Variants in COL4A5 observed in about 807,000 individuals in gnomAD.
COL4A5 encodes the protein collagen type IV alpha 5 chain.
Under a neutral mutation model 130.2 loss-of-function variants are expected in COL4A5, and 26 were observed. That is an observed-to-expected ratio of 0.20 (90% CI 0.15 to 0.28). The LOEUF (loss-of-function observed/expected upper bound fraction) is 0.28, where lower values mean the gene tolerates loss of function less well. Ranked by LOEUF, COL4A5 falls within the 10% of genes least tolerant of loss-of-function variation. The pLI, the probability that COL4A5 is intolerant of heterozygous loss-of-function variation, is 1.00. For missense variants in COL4A5, 1,131 were observed against 1,344.3 expected, an observed-to-expected ratio of 0.84 and a Z score of 2.48; for synonymous variants, 496 against 439.6, an observed-to-expected ratio of 1.13 and a Z score of -1.60.
Position 108,663,843 on chromosome X carries a change from G to T in COL4A5, c.3374-1664G>T, listed in dbSNP as rs746550388. Among the ~76,000 whole-genome samples the T allele has an allele frequency of 1.9e-4, 21 of 111,570 alleles. No individual in the cohort carries two copies. In the East Asian group the frequency reaches 5.3e-3, roughly 28 times the overall value. ...TTTATTTGGTAACAGTTGACAAATG[G>T]ATTCTAAAATGTGTATGGAAATGAA... On this transcript the variant is annotated intron_variant, in intron 37 of 52. Coordinates refer to ENST00000328300, the MANE Select transcript of COL4A5 (RefSeq NM_033380.3).
At position 108,541,821 on chromosome X, in the gene COL4A5, A is replaced by G. The variant is rs535225643; in HGVS notation, c.141+2016A>G. ...AAGTTCAAGTTCAGCTGAGTTAACT[A>G]TACTATTTCTTAAAATAGAAGTTTA... On this transcript the variant is annotated intron_variant, in intron 2 of 52. Transcript: ENST00000328300. Among the ~76,000 whole-genome samples the G allele has an allele frequency of 5.7e-4, 64 of 112,459 alleles. No individual in the cohort carries two copies. The South Asian group carries it at 0.023, about 40-fold the overall frequency.
chrX:108,546,710 A>C (rs1325715335), intron 2 of COL4A5, among the ~76,000 whole-genome samples: 4 of 111,655 alleles, frequency 3.6e-5, no homozygotes, highest in Non-Finnish European at 5.7e-5. Context: ...GTGTTTTCCA[A>C]CTTGGTTCCA....
At chrX:108,485,625 G>C (rs2064936773) in intron 1 of COL4A5, among the ~76,000 whole-genome samples, 1 of 110,115 alleles carries the variant, frequency 9.1e-6, no homozygotes, top group Admixed American at 9.7e-5. Context: ...ACATGTAATG[G>C]AGTCCTCATG....
At chrX:108,466,029 G>T (rs1227461018) in intron 1 of COL4A5, among the ~76,000 whole-genome samples, 1 of 111,290 alleles carries the variant, frequency 9.0e-6, no homozygotes, top group Non-Finnish European at 1.9e-5. Flanking sequence ...GACATTTTGT[G>T]TTTGACTTAT....
intron 1 of COL4A5, among the ~76,000 whole-genome samples, chrX:108,486,302 T>C (rs770361578): frequency 8.9e-6 from 1 of 111,769 alleles, no homozygotes; most frequent in South Asian, 3.8e-4. Flanking sequence ...TTAGGTTTTT[T>C]TTATGAAGAT....
intron 36 of COL4A5, among the ~76,000 whole-genome samples, chrX:108,632,984 A>G (rs774704507): frequency 5.7e-4 from 64 of 111,665 alleles, no homozygotes; most frequent in African/African-American, 2.0e-3. Context: ...GGCCAGGGCA[A>G]TCAGGCAGGC....
intron 49 of COL4A5, among the ~76,000 whole-genome samples, chrX:108,690,789 C>T (rs1455298966): frequency 1.8e-5 from 2 of 111,132 alleles, no homozygotes; most frequent in Admixed American, 9.6e-5. Flanking sequence ...ATACAATTAC[C>T]GTTAGATCCA....
intron 13 of COL4A5, 68 bp from the exon 14 acceptor site, chrX:108,580,465 C>G (rs1266868508): frequency 2.2e-6 from 2 of 916,931 alleles, no homozygotes; most frequent in African/African-American, 1.9e-5. Flanking sequence ...CTAGCTAGCT[C>G]TAGTGCTTAG....
intron 33 of COL4A5, 67 bp downstream of exon 33, chrX:108,622,892 T>A: frequency 3.8e-6 from 4 of 1,045,372 alleles, no homozygotes; most frequent in Non-Finnish European, 5.2e-6. Context: ...TTAAATAGCA[T>A]GAAAAGTGAC....
intron 14 of COL4A5, 30 bp from the exon 15 acceptor site, chrX:108,580,652 A>G: frequency 8.3e-7 from 1 of 1,202,002 alleles, no homozygotes; most frequent in Non-Finnish European, 1.1e-6. Context: ...TATCCCATGA[A>G]CCATTGTGAA....
At position 108,681,820 on chromosome X, in the gene COL4A5, C is replaced by A. The variant is rs773570764; in HGVS notation, c.4148C>A (p.Pro1383His). 1 of 1,207,910 alleles carries A rather than the reference C, an allele frequency of 8.3e-7. No homozygotes were observed. Among genetic ancestry groups the A allele is most frequent in the African/African-American group, 1.8e-5 (1 of 57,012 alleles). ...QSIIIKGDAG[P>H]PGIPGQPGLK... is the part of the protein sequence containing the mutation. Reference sequence around the variant, plus strand: ...ATCATAATTAAAGGAGATGCTGGTCCTCCAGGAATCCCTGGCCAGCCTGGG... The same window carrying A: ...ATCATAATTAAAGGAGATGCTGGTCATCCAGGAATCCCTGGCCAGCCTGGG... The change falls in exon 47 of 53, where the codon CCT (proline) becomes CAT (histidine). Residue 1383 changes from proline (P) to histidine (H), a missense_variant. Coordinates refer to ENST00000328300, the MANE Select transcript of COL4A5 (RefSeq NM_033380.3).
rs104886267 is a variant in COL4A5, at chrX:108,680,956, G to A, written c.4087G>A (p.Gly1363Ser). The A allele has an allele frequency of 8.4e-7, 1 of 1,197,029 alleles. No individual in the cohort carries two copies. Among genetic ancestry groups the A allele is most frequent in the Non-Finnish European group, 1.1e-6 (1 of 883,815 alleles). The change falls in exon 46 of 53, where the codon GGT (glycine) becomes AGT (serine). Residue 1363 changes from glycine to serine, a missense_variant and splice_region_variant. By Grantham distance (56) the Gly-to-Ser change is moderately conservative. Coordinates refer to ENST00000328300, the MANE Select transcript of COL4A5 (RefSeq NM_033380.3). Reference protein sequence around the residue: ...EGEPGLIGPPGPPGLPGPSGQ... With the variant: ...EGEPGLIGPPSPPGLPGPSGQ... ...GGAACCGGGACTTATTGGTCCTCCA[G>A]GTAAGACTTATTCCTGAAGATAGTT...
At chrX:108,632,365 G>C (rs1156305726) in intron 36 of COL4A5, among the ~76,000 whole-genome samples, 1 of 110,310 alleles carries the variant, frequency 9.1e-6, no homozygotes, top group African/African-American at 3.3e-5. Flanking sequence ...AGAAGTCCAG[G>C]ACCAGATGGA....
intron 1 of COL4A5, among the ~76,000 whole-genome samples, chrX:108,470,564 T>C (rs1302718727): frequency 8.9e-6 from 1 of 111,748 alleles, no homozygotes; most frequent in Non-Finnish European, 1.9e-5. Context: ...AGATGCATAG[T>C]CTGTTAATAT....
chrX:108,526,219 A>T (rs1159512104), intron 1 of COL4A5, among the ~76,000 whole-genome samples: 3 of 111,991 alleles, frequency 2.7e-5, no homozygotes, highest in Admixed American at 1.9e-4. Context: ...TGAGCAAGGG[A>T]GGTGGAGAAG....
intron 1 of COL4A5, among the ~76,000 whole-genome samples, chrX:108,505,287 A>G (rs995581): frequency 0.24 from 26,727 of 109,243 alleles, 2,787 homozygotes; most frequent in East Asian, 0.57. Context: ...TACAGTGTAC[A>G]TTATTTGGGT....
At chrX:108,619,687 T>G (rs889878908) in intron 30 of COL4A5, among the ~76,000 whole-genome samples, 3 of 111,936 alleles carry the variant, frequency 2.7e-5, no homozygotes, top group Non-Finnish European at 5.6e-5. Flanking sequence ...AAAATACAAT[T>G]TAAGAAGTCC....
chrX:108,502,237 T>A (rs925643990), intron 1 of COL4A5, among the ~76,000 whole-genome samples: 2 of 111,236 alleles, frequency 1.8e-5, no homozygotes, highest in African/African-American at 6.7e-5. Context: ...TTTTTCCACA[T>A]CAGGTATGCT....
chrX:108,645,269 T>G (rs191205253), intron 36 of COL4A5, among the ~76,000 whole-genome samples: 175 of 111,124 alleles, frequency 1.6e-3, no homozygotes, highest in African/African-American at 5.6e-3. Flanking sequence ...TTGCAAAAGA[T>G]AAATGAAACA....
Sources: gnomAD v4.1 joint callset for allele counts (sites outside exome capture counted in the v4.1 genomes callset) on GRCh38, gnomAD v4.1.1 for gene constraint, MANE v1.5 for transcripts, NCBI Gene and HGNC (gene_info 2026-07-23, HGNC 2026-07-21) for gene names.